GPC5: variants seen among roughly 807,000 people sequenced by gnomAD.
GPC5 encodes the protein glypican 5, also known as glypican-5.
A neutral mutation model predicts 53.9 loss-of-function variants in GPC5; 47 were observed. That is an observed-to-expected ratio of 0.87 (90% CI 0.69 to 1.11). GPC5 has a LOEUF of 1.11. Ranked by LOEUF, GPC5 falls within the 50% of genes most tolerant of loss-of-function variation. GPC5 has a pLI of 0.00. For synonymous variants in GPC5, 286 were observed against 263.3 expected, an observed-to-expected ratio of 1.09 and a Z score of -0.84; for missense variants, 748 against 713.1, an observed-to-expected ratio of 1.05 and a Z score of -0.56.
chr13:91,843,213 C>T lies in GPC5; in HGVS notation c.1281-64724C>T, dbSNP rs142725271. Among the ~76,000 whole-genome samples the T allele has an allele frequency of 3.9e-3, 597 of 152,230 alleles. 7 individuals are homozygous for T. The highest frequency in any genetic ancestry group is 0.014 in the African/African-American group (569 of 41,534). On this transcript the variant is annotated intron_variant, in intron 5 of 7. Transcript: ENST00000377067. ...TCATGTTTCTAAGTATTTATAGTCA[C>T]CGCTCTAAGAAAGACAAATATACAC... is the stretch of plus-strand genomic sequence containing the variant.
chr13:91,447,172 T>C (rs1402867481), intron 1 of GPC5, among the ~76,000 whole-genome samples: 8 of 152,366 alleles, frequency 5.3e-5, no homozygotes. Flanking sequence ...GATCTGCTGT[T>C]ATTGTTCTTT....
At chr13:92,441,758 G>T (rs964758187) in intron 7 of GPC5, among the ~76,000 whole-genome samples, 3 of 152,084 alleles carry the variant, frequency 2.0e-5, no homozygotes, top group Non-Finnish European at 4.4e-5. Flanking sequence ...GGCCCTACTT[G>T]CCTAGAACAG....
At chr13:92,724,900 A>ACG (rs1888597647) in intron 7 of GPC5, among the ~76,000 whole-genome samples, 1 of 149,742 alleles carries the variant, frequency 6.7e-6, no homozygotes, top group Non-Finnish European at 1.5e-5. Context: ...ACACACACAC[A>ACG]CACACACACA....
At chr13:92,539,418 C>G (rs1881851361) in intron 7 of GPC5, among the ~76,000 whole-genome samples, 1 of 152,048 alleles carries the variant, frequency 6.6e-6, no homozygotes, top group South Asian at 2.1e-4. Flanking sequence ...CTCTGATGAC[C>G]AGTGATGATG....
chr13:92,315,695 A>G (rs9301795), intron 7 of GPC5, among the ~76,000 whole-genome samples: 17,137 of 152,230 alleles, frequency 0.11, 1,471 homozygotes, highest in African/African-American at 0.25. Flanking sequence ...AATCAAGACA[A>G]ACTGTGAAAA....
rs1234296562 is a variant in GPC5 at position 92,471,613 on chromosome 13, T to C, written c.1561+326624T>C. Among the ~76,000 whole-genome samples the C allele has an allele frequency of 2.0e-5, 3 of 152,116 alleles. No individual in the cohort carries two copies. In the East Asian group the frequency reaches 5.8e-4, roughly 29 times the overall value. ...GTTATTTATAAATATGCATATATTA[T>C]ATATAAATACACATATACATATATA... On this transcript the variant is annotated intron_variant, in intron 7 of 7. Transcript: ENST00000377067.
chr13:92,203,643 AAT>A (rs1461933575), intron 7 of GPC5, among the ~76,000 whole-genome samples: 3 of 119,484 alleles, frequency 2.5e-5, no homozygotes, highest in Non-Finnish European at 3.9e-5. Context: ...ATAATAAAAA[AAT>A]ATATATATAT....
chr13:92,261,931 T>A (rs925786104), intron 7 of GPC5, among the ~76,000 whole-genome samples: 5 of 152,184 alleles, frequency 3.3e-5, no homozygotes, highest in African/African-American at 1.2e-4. Context: ...CTACCTGGCA[T>A]TTGTTATACT....
intron 1 of GPC5, among the ~76,000 whole-genome samples, chr13:91,408,903 T>A (rs1877520087): frequency 6.6e-6 from 1 of 152,190 alleles, no homozygotes; most frequent in African/African-American, 2.4e-5. Flanking sequence ...AGAATCTAGT[T>A]CATGATTTCT....
At chr13:92,712,820 C>T (rs1486588489) in intron 7 of GPC5, among the ~76,000 whole-genome samples, 1 of 152,112 alleles carries the variant, frequency 6.6e-6, no homozygotes, top group African/African-American at 2.4e-5. Context: ...GGCGTCAATC[C>T]AATATGACTG....
At chr13:91,765,233 T>C (rs2037499768) in intron 5 of GPC5, among the ~76,000 whole-genome samples, 1 of 152,242 alleles carries the variant, frequency 6.6e-6, no homozygotes, top group Admixed American at 6.5e-5. Context: ...TCAACACTTC[T>C]CTCACCTAGG....
chr13:92,854,990 T>A (rs1878948714), intron 7 of GPC5, among the ~76,000 whole-genome samples: 1 of 152,028 alleles, frequency 6.6e-6, no homozygotes, highest in African/African-American at 2.4e-5. Flanking sequence ...TTCCTTAGAT[T>A]TTCTTCTAGT....
In GPC5 at chr13:92,128,168, C is replaced by A. The variant is rs142692193; in HGVS notation, c.1402-16662C>A. Among the ~76,000 whole-genome samples, 11 of 152,318 alleles carry A rather than the reference C, an allele frequency of 7.2e-5. No homozygotes were observed. The East Asian group carries it at 2.1e-3, about 29-fold the overall frequency. ...GTCCTTTGATAATAGATGCTGGTATCCCTGTCTGTCATTCACTCCTATATG... is the reference window on the plus strand; with the variant it reads ...GTCCTTTGATAATAGATGCTGGTATACCTGTCTGTCATTCACTCCTATATG... On this transcript the variant is annotated intron_variant, in intron 6 of 7. Transcript: ENST00000377067.
At chr13:91,505,389 A>C (rs983753283) in intron 2 of GPC5, among the ~76,000 whole-genome samples, 6 of 152,248 alleles carry the variant, frequency 3.9e-5, no homozygotes, top group African/African-American at 1.4e-4. Context: ...TAAATGTAAT[A>C]GATGTAAACC....
chr13:91,966,231 AACTT>A (rs1246780020), intron 6 of GPC5, among the ~76,000 whole-genome samples: 1 of 152,210 alleles, frequency 6.6e-6, no homozygotes, highest in African/African-American at 2.4e-5. Flanking sequence ...AATACAGAAC[AACTT>A]ACTTTAACAT....
intron 7 of GPC5, among the ~76,000 whole-genome samples, chr13:92,420,491 C>T (rs186048596): frequency 1.3e-5 from 2 of 152,156 alleles, no homozygotes; most frequent in East Asian, 1.9e-4. Context: ...AAGCATTTAT[C>T]CTTTTATTAT....
chr13:92,737,766 C>CTTTTTTT (rs33914729), intron 7 of GPC5, among the ~76,000 whole-genome samples: 1,249 of 101,484 alleles, frequency 0.012, 1 homozygote, highest in Non-Finnish European at 0.016. Flanking sequence ...TTTTCTTTTT[C>CTTTTTTT]TTTTTTTTTT....
At chr13:92,078,881 C>G (rs2041273199) in intron 6 of GPC5, among the ~76,000 whole-genome samples, 1 of 152,140 alleles carries the variant, frequency 6.6e-6, no homozygotes, top group African/African-American at 2.4e-5. Flanking sequence ...CCTTTCTTCA[C>G]TGGGCCTCAT....
chr13:92,104,430 A>G (rs1242599996), intron 6 of GPC5, among the ~76,000 whole-genome samples: 1 of 152,068 alleles, frequency 6.6e-6, no homozygotes, highest in Non-Finnish European at 1.5e-5. Flanking sequence ...GAATAAGTGG[A>G]TTTTGAGAGG....
Sources: allele counts gnomAD v4.1 joint callset (sites outside exome capture counted in the v4.1 genomes callset), GRCh38; gene constraint gnomAD v4.1.1; transcripts MANE v1.5; gene names NCBI Gene and HGNC (gene_info 2026-07-23, HGNC 2026-07-21).